CRACD: variants seen among roughly 807,000 people sequenced by gnomAD.
CRACD encodes the protein capping protein-inhibiting regulator of actin dynamics.
In CRACD, 56 loss-of-function variants were observed where a neutral mutation model predicts 106.8. The observed-to-expected ratio is 0.52, with a 90% confidence interval of 0.42 to 0.66. CRACD has a LOEUF of 0.66. Ranked by LOEUF, CRACD falls within the 30% of genes least tolerant of loss-of-function variation. The probability of loss-of-function intolerance (pLI) is 0.00; values close to 1 mark genes in which losing one functional copy is unlikely to be tolerated. For missense variants in CRACD, 1,730 were observed against 1,623.2 expected, an observed-to-expected ratio of 1.07 and a Z score of -1.13; for synonymous variants, 754 against 670.8, an observed-to-expected ratio of 1.12 and a Z score of -1.92.
intron 7 of CRACD, 52 bp downstream of exon 7, chr4:56,313,431 A>G (rs970447058): frequency 1.6e-5 from 25 of 1,524,200 alleles, no homozygotes; most frequent in Non-Finnish European, 2.0e-5. Context: ...CCTACTGGGC[A>G]CTAATTCTAC....
chr4:56,183,861 A>G (rs1360278274), intron 2 of CRACD, among the ~76,000 whole-genome samples: 1 of 152,162 alleles, frequency 6.6e-6, no homozygotes, highest in Non-Finnish European at 1.5e-5. Flanking sequence ...CTCAGTTTGC[A>G]TTCAACCATG....
chr4:56,138,396 G>A (rs1350580092), intron 1 of CRACD, among the ~76,000 whole-genome samples: 1 of 151,942 alleles, frequency 6.6e-6, no homozygotes, highest in South Asian at 2.1e-4. Flanking sequence ...CTTGGGAGGC[G>A]GAAGTTGCAG....
At chr4:56,166,366 T>C (rs1394921115) in intron 1 of CRACD, among the ~76,000 whole-genome samples, 1 of 152,088 alleles carries the variant, frequency 6.6e-6, no homozygotes, top group Non-Finnish European at 1.5e-5. Flanking sequence ...CAACAACAGA[T>C]GAACAGATAA....
At chr4:56,251,025 G>A (rs1176247546) in intron 2 of CRACD, among the ~76,000 whole-genome samples, 1 of 152,176 alleles carries the variant, frequency 6.6e-6, no homozygotes, top group Non-Finnish European at 1.5e-5. Context: ...TTTCCCATGT[G>A]ATGTATGAAG....
At chr4:56,115,796 C>A (rs1244117592) in intron 1 of CRACD, among the ~76,000 whole-genome samples, 1 of 152,178 alleles carries the variant, frequency 6.6e-6, no homozygotes, top group African/African-American at 2.4e-5. Context: ...ATTATTTCAG[C>A]CCTTGCAAAT....
At chr4:56,207,170 A>G (rs1738161908) in intron 2 of CRACD, among the ~76,000 whole-genome samples, 1 of 152,208 alleles carries the variant, frequency 6.6e-6, no homozygotes, top group African/African-American at 2.4e-5. Flanking sequence ...TCTCTGTAAC[A>G]CCCAACATAT....
At chr4:56,256,228 G>A (rs1010968753) in intron 2 of CRACD, among the ~76,000 whole-genome samples, 1 of 152,158 alleles carries the variant, frequency 6.6e-6, no homozygotes, top group East Asian at 1.9e-4. Context: ...TTCCCATGCT[G>A]TTCTTGTGAT....
intron 1 of CRACD, among the ~76,000 whole-genome samples, chr4:56,164,512 G>C (rs1483872573): frequency 6.6e-6 from 1 of 152,160 alleles, no homozygotes; most frequent in African/African-American, 2.4e-5. Context: ...CAACAACATG[G>C]AAGAATCTCC....
intron 1 of CRACD, among the ~76,000 whole-genome samples, chr4:56,122,667 A>G (rs545628820): frequency 6.6e-6 from 1 of 152,286 alleles, no homozygotes; most frequent in East Asian, 1.9e-4. Context: ...CCTCAATAAC[A>G]TCAGCAATTT....
At chr4:56,326,039 G>A (rs1436167798) in intron 10 of CRACD, among the ~76,000 whole-genome samples, 3 of 152,168 alleles carry the variant, frequency 2.0e-5, no homozygotes, top group Admixed American at 6.5e-5. Flanking sequence ...AGTCTCCCAA[G>A]TAGCTGGGAG....
At position 56,316,124 on chromosome 4, in the gene CRACD, C is replaced by T. The variant is rs1347047871; in HGVS notation, c.2622C>T (p.Ser874=). 4 of 1,614,178 alleles carry T rather than the reference C, an allele frequency of 2.5e-6. No individual in the cohort carries two copies. In the South Asian group the frequency reaches 4.4e-5, roughly 18 times the overall value. Residue 874 remains serine, a synonymous_variant, in exon 8 of 11, where the codon AGC becomes AGT. Transcript: ENST00000682029. ...AEQKKKKRHS[S]TGDSADAGPP... ...AGAAGAAGAAGAAGAGGCACAGCAG[C>T]ACCGGAGACAGCGCGGATGCAGGGC...
At chr4:56,322,918 A>T (rs1423271076) in intron 8 of CRACD, among the ~76,000 whole-genome samples, 1 of 151,998 alleles carries the variant, frequency 6.6e-6, no homozygotes, top group Non-Finnish European at 1.5e-5. Flanking sequence ...AGTCCTAGCT[A>T]CTCGCGAGGC....
intron 2 of CRACD, among the ~76,000 whole-genome samples, chr4:56,245,877 A>G (rs1740652487): frequency 1.3e-5 from 2 of 152,188 alleles, no homozygotes; most frequent in African/African-American, 4.8e-5. Context: ...ATGTAAACAG[A>G]TTTTATTCTC....
intron 1 of CRACD, among the ~76,000 whole-genome samples, chr4:56,171,840 A>G (rs1174460885): frequency 2.6e-5 from 4 of 152,014 alleles, no homozygotes; most frequent in Admixed American, 1.3e-4. Flanking sequence ...ATATGTTTCC[A>G]TGTGCTCATG....
chr4:56,146,553 A>C (rs1454446034), intron 1 of CRACD, among the ~76,000 whole-genome samples: 1 of 117,398 alleles, frequency 8.5e-6, no homozygotes, highest in Non-Finnish European at 1.7e-5. Flanking sequence ...ATATCTCCTA[A>C]TGCTATCCCT....
intron 1 of CRACD, among the ~76,000 whole-genome samples, chr4:56,051,239 G>A (rs1731863483): frequency 6.6e-6 from 1 of 152,128 alleles, no homozygotes; most frequent in Non-Finnish European, 1.5e-5. Flanking sequence ...TGGATAAAAC[G>A]TGTACAGATG....
chr4:56,098,203 A>G (rs1352134969), intron 1 of CRACD, among the ~76,000 whole-genome samples: 1 of 152,204 alleles, frequency 6.6e-6, no homozygotes, highest in Non-Finnish European at 1.5e-5. Flanking sequence ...TTACTTTGAA[A>G]TTGAAGTCAA....
rs1387763698 is a variant in CRACD, at chr4:56,307,542, T to C, written c.128T>C (p.Leu43Ser). 6.2e-7 allele frequency: 1 copy of C among 1,614,014 alleles called. No individual in the cohort carries two copies. Among genetic ancestry groups the C allele is most frequent in the African/African-American group, 1.3e-5 (1 of 74,916 alleles). ...LGKVKTLQQQLGKNIKFGQRS... is the reference protein window; with the variant it reads ...LGKVKTLQQQSGKNIKFGQRS... Reference sequence around the variant, plus strand: ...TCTTCTGTTTCTCTCCAGCAACAGTTGGGCAAGAATATCAAGTTTGGGCAG... The same window carrying C: ...TCTTCTGTTTCTCTCCAGCAACAGTCGGGCAAGAATATCAAGTTTGGGCAG... The change falls in exon 5 of 11, where the codon TTG becomes TCG. Residue 43 changes from leucine to serine, a missense_variant. Around this residue, in one of 5 missense-constraint regions of CRACD, gnomAD observed 1,620 missense variants for 1,481.6 expected, o/e 1.09. Transcript: ENST00000682029.
intron 2 of CRACD, among the ~76,000 whole-genome samples, chr4:56,213,407 T>C (rs1442764294): frequency 6.6e-6 from 1 of 151,988 alleles, no homozygotes; most frequent in East Asian, 1.9e-4. Flanking sequence ...GATCACGCCA[T>C]TGCACTCCAG....
Sources: gnomAD v4.1 joint callset for allele counts (sites outside exome capture counted in the v4.1 genomes callset) on GRCh38, gnomAD v4.1.1 for gene constraint, gnomAD v4.1.1 regional missense constraint, MANE v1.5 for transcripts, NCBI Gene and HGNC (gene_info 2026-07-23, HGNC 2026-07-21) for gene names.